SLC9A9: variants seen among roughly 807,000 people sequenced by gnomAD.
SLC9A9 encodes solute carrier family 9 member A9.
In SLC9A9, 62 loss-of-function variants were observed where a neutral mutation model predicts 77.8. That is an observed-to-expected ratio of 0.80 (90% CI 0.65 to 0.98). SLC9A9 has a LOEUF of 0.98. SLC9A9 is among the 50% of genes least tolerant of loss of function. SLC9A9 has a pLI of 0.00. For synonymous variants in SLC9A9, 320 were observed against 283.5 expected, an observed-to-expected ratio of 1.13 and a Z score of -1.29; for missense variants, 775 against 774.9, an observed-to-expected ratio of 1.00 and a Z score of 0.00.
chr3:143,521,108 C>G (rs1178722191), intron 9 of SLC9A9, among the ~76,000 whole-genome samples: 1 of 152,092 alleles, frequency 6.6e-6, no homozygotes, highest in Non-Finnish European at 1.5e-5. Flanking sequence ...TTAAGGTAAT[C>G]AAATTGACCA....
rs77866048 is a variant in SLC9A9 at position 143,706,540 on chromosome 3, A to T, written c.534-13233T>A. ...TTGATGGCTTATGGCATGTTAAAGT[A>T]AAACAGGGAGCCAAGTGAAGCCCCA... On this transcript the variant is annotated intron_variant, in intron 4 of 15. Transcript: ENST00000316549. Among the ~76,000 whole-genome samples the T allele has an allele frequency of 3.2e-3, 481 of 152,346 alleles. 3 individuals are homozygous for T. Among genetic ancestry groups the T allele is most frequent in the African/African-American group, 0.011 (454 of 41,580 alleles).
At chr3:143,679,259 T>C (rs771153836) in intron 5 of SLC9A9, among the ~76,000 whole-genome samples, 4 of 152,170 alleles carry the variant, frequency 2.6e-5, no homozygotes, top group Non-Finnish European at 5.9e-5. Context: ...GGGCAGGTGT[T>C]CATGGGGGAA....
chr3:143,575,368 G>A (rs1417544336), intron 7 of SLC9A9, among the ~76,000 whole-genome samples: 4 of 152,202 alleles, frequency 2.6e-5, no homozygotes, highest in African/African-American at 9.7e-5. Context: ...GTGTGCCTGA[G>A]TTTTCCTGTC....
intron 11 of SLC9A9, among the ~76,000 whole-genome samples, chr3:143,489,067 ATC>A (rs1373099705): frequency 1.3e-5 from 2 of 151,980 alleles, no homozygotes; most frequent in Admixed American, 6.5e-5. Context: ...ACATGCAAAA[ATC>A]AATTGCATTT....
intron 5 of SLC9A9, among the ~76,000 whole-genome samples, chr3:143,689,344 CTGAT>C (rs1327157641): frequency 4.6e-5 from 7 of 152,086 alleles, no homozygotes; most frequent in African/African-American, 1.7e-4. Context: ...CAATAGAAGA[CTGAT>C]TGAATAAACT....
At chr3:143,590,785 A>T (rs2037632542) in intron 6 of SLC9A9, among the ~76,000 whole-genome samples, 1 of 152,204 alleles carries the variant, frequency 6.6e-6, no homozygotes, top group Admixed American at 6.5e-5. Flanking sequence ...GATTAGCAAC[A>T]GTCAAGGAAA....
intron 4 of SLC9A9, among the ~76,000 whole-genome samples, chr3:143,763,371 C>A (rs1380861684): frequency 6.6e-6 from 1 of 152,070 alleles, no homozygotes; most frequent in African/African-American, 2.4e-5. Flanking sequence ...AGACTAGGAA[C>A]AAAGGAATTT....
intron 12 of SLC9A9, among the ~76,000 whole-genome samples, chr3:143,414,844 C>T (rs185530770): frequency 3.9e-5 from 6 of 152,288 alleles, no homozygotes; most frequent in Admixed American, 1.3e-4. Context: ...TTAAGCTTAG[C>T]GAGGAAGGCA....
chr3:143,417,854 G>A (rs1399880853), intron 12 of SLC9A9, among the ~76,000 whole-genome samples: 2 of 152,000 alleles, frequency 1.3e-5, no homozygotes, highest in Non-Finnish European at 2.9e-5. Flanking sequence ...AACTATGGAA[G>A]AGCATCCTTC....
At chr3:143,485,198 T>G (rs1576528785) in intron 11 of SLC9A9, among the ~76,000 whole-genome samples, 1 of 152,098 alleles carries the variant, frequency 6.6e-6, no homozygotes, top group East Asian at 1.9e-4. Flanking sequence ...TCTCCAAATA[T>G]CAAAAATCTG....
intron 12 of SLC9A9, among the ~76,000 whole-genome samples, chr3:143,388,014 G>C (rs1395187579): frequency 2.0e-5 from 3 of 152,194 alleles, no homozygotes; most frequent in African/African-American, 7.2e-5. Flanking sequence ...GGGCTGGGTG[G>C]TGGGGGAAGA....
chr3:143,302,026 G>A (rs753144711), intron 14 of SLC9A9, among the ~76,000 whole-genome samples: 8 of 152,134 alleles, frequency 5.3e-5, no homozygotes, highest in Non-Finnish European at 8.8e-5. Context: ...AGAGTGAGAG[G>A]GTTGGGGAGA....
Position 143,768,768 on chromosome 3 carries a change from G to A in SLC9A9, c.533+26233C>T, listed in dbSNP as rs73011409. ...CCATGAAGGGAAATGGGATTTCTTG[G>A]GAAAGTTTCCAATGCTGACATCCTA... On this transcript the variant is annotated intron_variant, in intron 4 of 15. Transcript: ENST00000316549. Among the ~76,000 whole-genome samples, 1,448 of 152,210 alleles carry A rather than the reference G, an allele frequency of 9.5e-3. 23 individuals carry two copies. Among genetic ancestry groups the A allele is most frequent in the African/African-American group, 0.033 (1,388 of 41,546 alleles).
intron 4 of SLC9A9, among the ~76,000 whole-genome samples, chr3:143,745,359 T>C (rs1330748210): frequency 2.0e-5 from 3 of 152,250 alleles, no homozygotes; most frequent in Admixed American, 6.5e-5. Context: ...GAGACATGTT[T>C]GAATAACTAG....
intron 14 of SLC9A9, among the ~76,000 whole-genome samples, chr3:143,338,013 T>C (rs2031979132): frequency 6.6e-6 from 1 of 152,196 alleles, no homozygotes; most frequent in Admixed American, 6.5e-5. Context: ...GTGACTTTTG[T>C]GTATAAGAGA....
intron 1 of SLC9A9, among the ~76,000 whole-genome samples, chr3:143,837,478 C>G (rs2009596229): frequency 6.6e-6 from 1 of 152,196 alleles, no homozygotes; most frequent in Non-Finnish European, 1.5e-5. Context: ...AATCTAGATT[C>G]ATGAGGCATC....
intron 6 of SLC9A9, among the ~76,000 whole-genome samples, chr3:143,603,719 T>C (rs912124352): frequency 1.3e-5 from 2 of 152,200 alleles, no homozygotes; most frequent in Non-Finnish European, 2.9e-5. Flanking sequence ...AGATCATAAA[T>C]GTTTGCTATA....
intron 12 of SLC9A9, among the ~76,000 whole-genome samples, chr3:143,446,901 T>C (rs981762075): frequency 6.6e-6 from 1 of 151,572 alleles, no homozygotes; most frequent in African/African-American, 2.4e-5. Flanking sequence ...TGTGTGTGCA[T>C]GCACACATGT....
intron 9 of SLC9A9, among the ~76,000 whole-genome samples, chr3:143,508,399 A>C (rs1449860073): frequency 6.6e-6 from 1 of 152,256 alleles, no homozygotes; most frequent in Non-Finnish European, 1.5e-5. Context: ...GCATTAGATC[A>C]TCAGGACAAA....
Sources: gnomAD v4.1 joint callset for allele counts (sites outside exome capture counted in the v4.1 genomes callset) on GRCh38, gnomAD v4.1.1 for gene constraint, MANE v1.5 for transcripts, NCBI Gene and HGNC (gene_info 2026-07-23, HGNC 2026-07-21) for gene names.